SIPA1L1: variants seen among roughly 807,000 people sequenced by gnomAD.
SIPA1L1 encodes signal induced proliferation associated 1 like 1, also known as signal-induced proliferation-associated 1-like protein 1.
Under a neutral mutation model 162.7 loss-of-function variants are expected in SIPA1L1, and 26 were observed. That is an observed-to-expected ratio of 0.16 (90% CI 0.12 to 0.22). The LOEUF is 0.22. Among genes scored for constraint, SIPA1L1 ranks in the 10% least tolerant of loss-of-function variants. The pLI is 1.00. For missense variants in SIPA1L1, 1,874 were observed against 2,241.0 expected, an observed-to-expected ratio of 0.84 and a Z score of 3.31; for synonymous variants, 829 against 837.4, an observed-to-expected ratio of 0.99 and a Z score of 0.17.
intron 2 of SIPA1L1, among the ~76,000 whole-genome samples, chr14:71,460,110 G>T (rs2046482699): frequency 1.3e-5 from 2 of 152,196 alleles, no homozygotes; most frequent in African/African-American, 4.8e-5. Flanking sequence ...CTTAGTAGAA[G>T]TGTATACATG....
intron 17 of SIPA1L1, among the ~76,000 whole-genome samples, chr14:71,718,870 CTA>C (rs1324555481): frequency 6.6e-6 from 1 of 151,990 alleles, no homozygotes; most frequent in Non-Finnish European, 1.5e-5. Context: ...CATTTGTCCA[CTA>C]TACTGTTGAT....
chr14:71,621,168 G>A (rs2039401400), intron 6 of SIPA1L1, among the ~76,000 whole-genome samples: 1 of 152,144 alleles, frequency 6.6e-6, no homozygotes, highest in African/African-American at 2.4e-5. Flanking sequence ...CTTGCTCTGA[G>A]AACTGTTCTC....
At chr14:71,382,961 C>T (rs1331138546) in intron 2 of SIPA1L1, among the ~76,000 whole-genome samples, 3 of 151,910 alleles carry the variant, frequency 2.0e-5, no homozygotes, top group African/African-American at 4.8e-5. Flanking sequence ...ACTGATTTCC[C>T]CAATGAATAG....
chr14:71,372,378 A>G (rs542970180), intron 2 of SIPA1L1, among the ~76,000 whole-genome samples: 3 of 152,174 alleles, frequency 2.0e-5, no homozygotes, highest in Admixed American at 6.5e-5. Flanking sequence ...GAATAGACTC[A>G]GAAACAACAT....
In SIPA1L1 at chr14:71,670,419, T is replaced by C. The variant is rs1177903056; in HGVS notation, c.2256-700T>C. ...AAATATTTTTCTTAGAAATAGATTA[T>C]CAGAATAAAATACCAAAAGGACCAA... is the stretch of plus-strand genomic sequence containing the variant. On this transcript the variant is annotated intron_variant, in intron 10 of 23. Coordinates refer to ENST00000381232, the MANE Select transcript of SIPA1L1 (RefSeq NM_001386936.1). Among the ~76,000 whole-genome samples, 17 of 152,186 alleles carry C rather than the reference T, an allele frequency of 1.1e-4. 1 individual carries two copies. The highest frequency in any genetic ancestry group is 2.5e-4 in the Non-Finnish European group (17 of 68,012).
At chr14:71,685,220 A>C in intron 12 of SIPA1L1, 142 bp from the exon 13 acceptor site, 321 of 826,074 alleles carry the variant, frequency 3.9e-4, no homozygotes, top group Non-Finnish European at 5.7e-4. Context: ...AATAAGTACT[A>C]GGGCCCAAAG....
chr14:71,343,639 C>T (rs1192272865), intron 2 of SIPA1L1, among the ~76,000 whole-genome samples: 1 of 151,856 alleles, frequency 6.6e-6, no homozygotes, highest in African/African-American at 2.4e-5. Context: ...TAAAAAATGG[C>T]TTCTAAAAAC....
At position 71,739,208 on chromosome 14, in the gene SIPA1L1, G is replaced by A; in HGVS notation, c.*47G>A. 2 of 1,561,846 alleles carry A rather than the reference G, an allele frequency of 1.3e-6. No homozygotes were observed. The highest frequency in any genetic ancestry group is 1.7e-6 in the Non-Finnish European group (2 of 1,149,532). ...GAAGGGCCCAGACACTCCCTCCAGTGAGTGTCCTGCAGCCCTTATTCCCTC... is the reference window on the plus strand; with the variant it reads ...GAAGGGCCCAGACACTCCCTCCAGTAAGTGTCCTGCAGCCCTTATTCCCTC... On this transcript the variant is annotated 3_prime_UTR_variant, in exon 24 of 24. Coordinates refer to ENST00000381232, the MANE Select transcript of SIPA1L1 (RefSeq NM_001386936.1).
At chr14:71,368,268 T>G (rs2038552285) in intron 2 of SIPA1L1, among the ~76,000 whole-genome samples, 2 of 145,222 alleles carry the variant, frequency 1.4e-5, no homozygotes, top group Admixed American at 1.4e-4. Flanking sequence ...CACTAACTCG[T>G]CATCTAGCCT....
chr14:71,536,884 G>A (rs763726196), intron 4 of SIPA1L1, among the ~76,000 whole-genome samples: 3 of 152,208 alleles, frequency 2.0e-5, no homozygotes, highest in Non-Finnish European at 4.4e-5. Context: ...CCTGAAGGAA[G>A]CGATACGCAA....
At chr14:71,718,173 A>G (rs2083413084) in intron 17 of SIPA1L1, among the ~76,000 whole-genome samples, 1 of 152,170 alleles carries the variant, frequency 6.6e-6, no homozygotes, top group Non-Finnish European at 1.5e-5. Context: ...TTGGGACACA[A>G]GAAAGTATGC....
At chr14:71,340,249 T>G (rs1357034955) in intron 2 of SIPA1L1, among the ~76,000 whole-genome samples, 1 of 152,182 alleles carries the variant, frequency 6.6e-6, no homozygotes, top group Non-Finnish European at 1.5e-5. Context: ...GACTGTTTTT[T>G]TTTTCGTATC....
chr14:71,474,616 C>T (rs2047708074), intron 2 of SIPA1L1, among the ~76,000 whole-genome samples: 1 of 152,140 alleles, frequency 6.6e-6, no homozygotes, highest in African/African-American at 2.4e-5. Flanking sequence ...GTGGAGTAAT[C>T]TCAGTTCAGC....
At chr14:71,478,177 G>A (rs960690614) in intron 2 of SIPA1L1, among the ~76,000 whole-genome samples, 1 of 152,040 alleles carries the variant, frequency 6.6e-6, no homozygotes, top group Non-Finnish European at 1.5e-5. Flanking sequence ...TTTTGATGAA[G>A]CATCTGTTCA....
chr14:71,469,186 C>T (rs570194221), intron 2 of SIPA1L1, among the ~76,000 whole-genome samples: 32 of 151,440 alleles, frequency 2.1e-4, no homozygotes, highest in Admixed American at 1.2e-3. Flanking sequence ...CTTACCCATC[C>T]GCAGAGTCCA....
At chr14:71,719,230 C>T (rs528977361) in intron 17 of SIPA1L1, among the ~76,000 whole-genome samples, 1 of 152,288 alleles carries the variant, frequency 6.6e-6, no homozygotes, top group Admixed American at 6.5e-5. Context: ...TGAGCCACTG[C>T]ACCCAGCCAA....
At chr14:71,726,479 GC>G (rs1214603724) in intron 19 of SIPA1L1, among the ~76,000 whole-genome samples, 1 of 152,210 alleles carries the variant, frequency 6.6e-6, no homozygotes, top group Admixed American at 6.5e-5. Context: ...TTGGCAAGAG[GC>G]AAGCTCAGAG....
At position 71,350,294 on chromosome 14, in the gene SIPA1L1, G is replaced by A. The variant is rs150589397; in HGVS notation, c.-465+29113G>A. ...ATGGTGGTATGTGCCTGTAATCCCA[G>A]CTACTCGGGTGGCTGAGGCAGGAGA... On this transcript the variant is annotated intron_variant, in intron 2 of 23. Coordinates refer to ENST00000381232, the MANE Select transcript of SIPA1L1 (RefSeq NM_001386936.1). 1.2e-4 allele frequency among the ~76,000 whole-genome samples: 18 copies of A among 152,026 alleles called. No individual in the cohort carries two copies. In the East Asian group the frequency reaches 3.1e-3, roughly 26 times the overall value.
chr14:71,597,114 C>T (rs949793141), intron 5 of SIPA1L1, among the ~76,000 whole-genome samples: 18 of 152,078 alleles, frequency 1.2e-4, no homozygotes, highest in Admixed American at 3.9e-4. Context: ...GGATCACAAG[C>T]GTGCATCATC....
Sources: allele counts gnomAD v4.1 joint callset (sites outside exome capture counted in the v4.1 genomes callset), GRCh38; gene constraint gnomAD v4.1.1; transcripts MANE v1.5; gene names NCBI Gene and HGNC (gene_info 2026-07-23, HGNC 2026-07-21).